CDKAL1: variants seen among roughly 807,000 people sequenced by gnomAD.
The protein encoded by CDKAL1 is threonylcarbamoyladenosine tRNA methylthiotransferase.
Under a neutral mutation model 68.2 loss-of-function variants are expected in CDKAL1, and 32 were observed. That is an observed-to-expected ratio of 0.47 (90% CI 0.35 to 0.63). The LOEUF (loss-of-function observed/expected upper bound fraction) is 0.63, where lower values mean the gene tolerates loss of function less well. Ranked by LOEUF, CDKAL1 falls within the 30% of genes least tolerant of loss-of-function variation. The pLI is 0.00. For missense variants in CDKAL1, 606 were observed against 696.7 expected (o/e 0.87, Z 1.47); for synonymous variants, 234 against 244.3 (o/e 0.96, Z 0.39).
chr6:20,943,050 CT>C (rs1358760443), intron 9 of CDKAL1, among the ~76,000 whole-genome samples: 1 of 149,762 alleles, frequency 6.7e-6, no homozygotes, highest in Non-Finnish European at 1.5e-5. Flanking sequence ...ATCTGGTACT[CT>C]GCTTTTTATC....
chr6:20,683,217 A>G (rs966483819), intron 5 of CDKAL1, among the ~76,000 whole-genome samples: 30 of 152,212 alleles, frequency 2.0e-4, no homozygotes, highest in Non-Finnish European at 2.8e-4. Flanking sequence ...AGAGGAGTTA[A>G]GTATCTTGCC....
intron 4 of CDKAL1, among the ~76,000 whole-genome samples, chr6:20,617,309 G>A (rs188623175): frequency 2.2e-4 from 34 of 152,272 alleles, no homozygotes; most frequent in Middle Eastern, 3.4e-3. Flanking sequence ...TGAGCAGTCT[G>A]TGTGTAGGCC....
intron 12 of CDKAL1, among the ~76,000 whole-genome samples, chr6:21,067,735 G>A (rs1424442496): frequency 1.3e-5 from 2 of 151,626 alleles, no homozygotes; most frequent in African/African-American, 4.9e-5. Flanking sequence ...GAGTGTAATC[G>A]CTGAGTCATA....
intron 13 of CDKAL1, among the ~76,000 whole-genome samples, chr6:21,140,938 A>C (rs1775874415): frequency 6.6e-6 from 1 of 152,160 alleles, no homozygotes; most frequent in Non-Finnish European, 1.5e-5. Flanking sequence ...AAATGAGGAG[A>C]GAAGCAAAAG....
chr6:20,763,795 T>C (rs1286213411), intron 7 of CDKAL1, among the ~76,000 whole-genome samples: 2 of 152,246 alleles, frequency 1.3e-5, no homozygotes, highest in African/African-American at 4.8e-5. Flanking sequence ...TTTATCTGTC[T>C]TGATTGTATC....
At chr6:20,824,375 C>G (rs917002337) in intron 8 of CDKAL1, among the ~76,000 whole-genome samples, 1 of 152,088 alleles carries the variant, frequency 6.6e-6, no homozygotes, top group African/African-American at 2.4e-5. Context: ...ATAGCTCGGG[C>G]ATAATTTAGG....
chr6:20,787,868 A>C (rs1237322446), intron 8 of CDKAL1, among the ~76,000 whole-genome samples: 1 of 152,194 alleles, frequency 6.6e-6, no homozygotes, highest in Non-Finnish European at 1.5e-5. Flanking sequence ...TATTTTACAC[A>C]GATACTGGTT....
chr6:21,150,309 A>G (rs145604404), intron 13 of CDKAL1, among the ~76,000 whole-genome samples: 1 of 152,334 alleles, frequency 6.6e-6, no homozygotes, highest in Non-Finnish European at 1.5e-5. Context: ...TCAGGTTTTC[A>G]CAGAAATACC....
At chr6:20,653,305 G>A (rs1035189162) in intron 5 of CDKAL1, among the ~76,000 whole-genome samples, 2 of 152,096 alleles carry the variant, frequency 1.3e-5, no homozygotes, top group Non-Finnish European at 2.9e-5. Context: ...TTCTTTTCAC[G>A]AATGGATGTA....
At chr6:20,550,454 C>T (rs915513839) in intron 4 of CDKAL1, among the ~76,000 whole-genome samples, 3 of 152,094 alleles carry the variant, frequency 2.0e-5, no homozygotes, top group Admixed American at 1.3e-4. Flanking sequence ...TTGAGCACTT[C>T]TTTATTTCCT....
chr6:20,556,881 C>CAAAA (rs1389535537), intron 4 of CDKAL1, among the ~76,000 whole-genome samples: 2 of 151,362 alleles, frequency 1.3e-5, no homozygotes, highest in Non-Finnish European at 2.9e-5. Flanking sequence ...ACTAAAAGTA[C>CAAAA]AAAAAAATTA....
intron 4 of CDKAL1, among the ~76,000 whole-genome samples, chr6:20,551,452 C>T (rs1437912482): frequency 6.6e-6 from 1 of 151,460 alleles, no homozygotes; most frequent in Non-Finnish European, 1.5e-5. Flanking sequence ...ACTGCAAGCT[C>T]CGCCTCCTGG....
intron 12 of CDKAL1, among the ~76,000 whole-genome samples, chr6:21,104,663 C>T (rs1473084784): frequency 6.6e-6 from 1 of 152,108 alleles, no homozygotes; most frequent in African/African-American, 2.4e-5. Context: ...GTTAACTGGG[C>T]AGATACCTAT....
At chr6:21,160,505 T>C (rs555072088) in intron 13 of CDKAL1, among the ~76,000 whole-genome samples, 123 of 150,610 alleles carry the variant, frequency 8.2e-4, no homozygotes, top group South Asian at 4.4e-3. Context: ...ACCGTGTTGG[T>C]CAGGCTGGTC....
intron 15 of CDKAL1, among the ~76,000 whole-genome samples, chr6:21,221,940 A>G (rs1779552558): frequency 1.3e-5 from 2 of 152,152 alleles, no homozygotes. Context: ...TCTGTCTTTC[A>G]TTTGGCACCG....
At chr6:20,959,373 A>G (rs1258855093) in intron 10 of CDKAL1, among the ~76,000 whole-genome samples, 6 of 152,206 alleles carry the variant, frequency 3.9e-5, no homozygotes, top group Admixed American at 3.3e-4. Flanking sequence ...GTAAACTTGC[A>G]TATGATAATA....
intron 5 of CDKAL1, among the ~76,000 whole-genome samples, chr6:20,710,017 G>T (rs1219757439): frequency 6.6e-6 from 1 of 152,114 alleles, no homozygotes; most frequent in African/African-American, 2.4e-5. Flanking sequence ...TACAACACTT[G>T]CAGAAAATCC....
intron 13 of CDKAL1, among the ~76,000 whole-genome samples, chr6:21,181,977 G>T (rs1054036005): frequency 6.6e-6 from 1 of 152,128 alleles, no homozygotes; most frequent in East Asian, 1.9e-4. Context: ...GCAAAGAGAT[G>T]GTCCAGCATT....
chr6:20,543,850 C>T (rs558263423), intron 2 of CDKAL1, among the ~76,000 whole-genome samples: 3 of 150,918 alleles, frequency 2.0e-5, no homozygotes, highest in East Asian at 2.0e-4. Context: ...AATTCTCCTG[C>T]CTCAGCCTCC....
Sources: allele counts gnomAD v4.1 joint callset (sites outside exome capture counted in the v4.1 genomes callset), GRCh38; gene constraint gnomAD v4.1.1; transcripts MANE v1.5; gene names NCBI Gene and HGNC (gene_info 2026-07-23, HGNC 2026-07-21).